NPHP1: variants seen among roughly 807,000 people sequenced by gnomAD.
NPHP1 encodes the protein nephrocystin-1.
A neutral mutation model predicts 90.4 loss-of-function variants in NPHP1; 70 were observed. The observed-to-expected ratio is 0.77, with a 90% CI of 0.64 to 0.95. The LOEUF (loss-of-function observed/expected upper bound fraction) is 0.95. Among genes scored for constraint, NPHP1 ranks in the 40% least tolerant of loss-of-function variants. The probability of loss-of-function intolerance (pLI) is 0.00; values close to 1 mark genes in which losing one functional copy is unlikely to be tolerated. For missense variants in NPHP1, 764 were observed against 795.9 expected, an observed-to-expected ratio of 0.96 and a Z score of 0.48; for synonymous variants, 256 against 271.7, an observed-to-expected ratio of 0.94 and a Z score of 0.57.
chr2:110,194,070 T>G (rs902992975), intron 2 of NPHP1, among the ~76,000 whole-genome samples: 1 of 151,850 alleles, frequency 6.6e-6, no homozygotes, highest in Admixed American at 6.6e-5. Flanking sequence ...GAAATAAAAT[T>G]GACACCCTAA....
chr2:110,160,232 A>C lies in NPHP1; in HGVS notation c.978T>G (p.Ile326Met). 6.2e-7 allele frequency: 1 copy of C among 1,611,592 alleles called. No individual in the cohort carries two copies. The highest frequency in any genetic ancestry group is 8.5e-7 in the Non-Finnish European group (1 of 1,177,784). ...AGCTCCATAATGTCAGAATCAATGA[A>C]ATACGACTTGGTCTCGACCTAATCT... is the stretch of plus-strand genomic sequence containing the variant. ...EGTIRSRPSRISLILTLWSCK... is the reference protein window; with the variant it reads ...EGTIRSRPSRMSLILTLWSCK... Residue 326 changes from isoleucine to methionine, a missense_variant, in exon 11 of 20, where the codon ATT (isoleucine) becomes ATG (methionine). Ile to Met is a conservative substitution (Grantham distance 10). Coordinates refer to ENST00000445609, the MANE Select transcript of NPHP1 (RefSeq NM_001128178.3).
At chr2:110,144,315 T>A in intron 15 of NPHP1, 178 bp downstream of exon 15, 1 of 597,720 alleles carries the variant, frequency 1.7e-6, no homozygotes, top group South Asian at 2.1e-5. Context: ...TAGAGTCTCA[T>A]ATGTGTTACC....
In NPHP1 at chr2:110,182,680, T is replaced by C. The variant is rs543625440; in HGVS notation, c.144-2996A>G. 2.0e-5 allele frequency among the ~76,000 whole-genome samples: 3 copies of C among 152,170 alleles called. No homozygotes were observed. The East Asian group carries it at 5.8e-4, about 29-fold the overall frequency. On this transcript the variant is annotated intron_variant, in intron 2 of 19. Transcript: ENST00000445609. ...GAAAGGAGAAATTGATACCACCCAC[T>C]ATAAAAACACACTGAAGTACACAGA...
intron 2 of NPHP1, chr2:110,185,088 T>A: frequency 1.7e-6 from 1 of 590,296 alleles, no homozygotes; most frequent in Non-Finnish European, 3.3e-6. Flanking sequence ...GAGGGCTCTA[T>A]CCTTGCCTCC....
At chr2:110,125,190 G>T (rs747360110) in intron 19 of NPHP1, 2 of 1,531,394 alleles carry the variant, frequency 1.3e-6, no homozygotes, top group Non-Finnish European at 1.7e-6. Context: ...ACGACTCACC[G>T]ATTAAAGCAA....
In NPHP1 at chr2:110,164,708, C is replaced by T. The variant is rs1559076236; in HGVS notation, c.751G>A (p.Val251Ile). The T allele has an allele frequency of 6.2e-7, 1 of 1,613,954 alleles. No homozygotes were observed. The highest frequency in any genetic ancestry group is 1.1e-5 in the South Asian group (1 of 91,068). ...KQRTDPHWSA[V>I]QKAISEQINT... ...CCCGCCTCTGAAATCGCTTTCTGAACAGCACTCCAGTGGGGATCAGTTCTG... is the reference window on the plus strand; with the variant it reads ...CCCGCCTCTGAAATCGCTTTCTGAATAGCACTCCAGTGGGGATCAGTTCTG... Residue 251 changes from valine (V) to isoleucine (I), a missense_variant, in exon 8 of 20, where the codon GTT (valine) becomes ATT (isoleucine). Val to Ile is a conservative substitution (Grantham distance 29). Transcript: ENST00000445609.
At chr2:110,186,190 C>CT (rs1684271724) in intron 2 of NPHP1, among the ~76,000 whole-genome samples, 1 of 152,194 alleles carries the variant, frequency 6.6e-6, no homozygotes, top group African/African-American at 2.4e-5. Context: ...CTTTCTCCCT[C>CT]TTTCTCTTGC....
chr2:110,183,032 T>TA (rs374215601), intron 2 of NPHP1, among the ~76,000 whole-genome samples: 1,806 of 151,660 alleles, frequency 0.012, 34 homozygotes, highest in African/African-American at 0.041. Context: ...CCAATAAAGA[T>TA]AAAAAAAAGA....
At chr2:110,132,555 A>G (rs1195661659) in intron 16 of NPHP1, among the ~76,000 whole-genome samples, 2 of 152,100 alleles carry the variant, frequency 1.3e-5, no homozygotes, top group African/African-American at 4.8e-5. Flanking sequence ...CTCAGAGGCC[A>G]AGGCAGAAGA....
At chr2:110,145,131 C>A (rs558058223) in intron 14 of NPHP1, among the ~76,000 whole-genome samples, 2 of 152,200 alleles carry the variant, frequency 1.3e-5, no homozygotes, top group East Asian at 3.9e-4. Flanking sequence ...CGGTGAATTT[C>A]AAAACTAACA....
intron 2 of NPHP1, chr2:110,184,695 C>A: frequency 2.7e-6 from 2 of 730,408 alleles, no homozygotes; most frequent in South Asian, 1.4e-5. Flanking sequence ...GATTTCCACT[C>A]ATCCTTTGAG....
chr2:110,183,422 G>A (rs10202266), intron 2 of NPHP1, among the ~76,000 whole-genome samples: 23,797 of 152,006 alleles, frequency 0.16, 3,583 homozygotes, highest in African/African-American at 0.4. Context: ...TTTATTTCCC[G>A]TAAGGAATAC....
rs376898832 is a variant in NPHP1 at position 110,123,790 on chromosome 2, G to A, written c.*1C>T. Reference sequence around the variant, plus strand: ...AAGCTGAGGGCTAGAGGCTGCCACTGTCACACTGCATTCTTTCTCATTTCA... The same window carrying A: ...AAGCTGAGGGCTAGAGGCTGCCACTATCACACTGCATTCTTTCTCATTTCA... On this transcript the variant is annotated 3_prime_UTR_variant, in exon 20 of 20. Coordinates refer to ENST00000445609, the MANE Select transcript of NPHP1 (RefSeq NM_001128178.3). The A allele has an allele frequency of 2.2e-5, 35 of 1,613,708 alleles. No homozygotes were observed. In the African/African-American group the frequency reaches 4.7e-4, roughly 22 times the overall value.
chr2:110,135,779 T>C (rs1324206469), intron 16 of NPHP1, among the ~76,000 whole-genome samples: 1 of 152,166 alleles, frequency 6.6e-6, no homozygotes, highest in African/African-American at 2.4e-5. Context: ...AAAGAGATCT[T>C]ACTTTTTGTA....
chr2:110,200,204 G>A (rs1012586169), intron 2 of NPHP1, among the ~76,000 whole-genome samples: 9 of 151,862 alleles, frequency 5.9e-5, no homozygotes, highest in Non-Finnish European at 1.0e-4. Flanking sequence ...GCAGTGAGCC[G>A]AGATCATGCC....
intron 2 of NPHP1, among the ~76,000 whole-genome samples, chr2:110,193,663 G>A (rs976529888): frequency 3.3e-5 from 5 of 152,138 alleles, no homozygotes; most frequent in African/African-American, 4.8e-5. Context: ...GGACCTAATA[G>A]ACATCTACAG....
At chr2:110,170,498 G>T (rs927963053) in intron 4 of NPHP1, among the ~76,000 whole-genome samples, 1 of 152,114 alleles carries the variant, frequency 6.6e-6, no homozygotes, top group African/African-American at 2.4e-5. Context: ...AACAGTGCTT[G>T]CCCATAGCAA....
chr2:110,188,189 T>C (rs979416939), intron 2 of NPHP1, among the ~76,000 whole-genome samples: 6 of 152,016 alleles, frequency 3.9e-5, no homozygotes, highest in Non-Finnish European at 7.4e-5. Context: ...GAGAAAGAAA[T>C]AAGGAGTATT....
intron 2 of NPHP1, among the ~76,000 whole-genome samples, chr2:110,196,835 T>C (rs1685200506): frequency 1.3e-5 from 2 of 152,106 alleles, no homozygotes; most frequent in African/African-American, 2.4e-5. Flanking sequence ...TAAAAAATGA[T>C]GAGTTCATGT....
Sources: allele counts gnomAD v4.1 joint callset (sites outside exome capture counted in the v4.1 genomes callset), GRCh38; gene constraint gnomAD v4.1.1; transcripts MANE v1.5; gene names NCBI Gene and HGNC (gene_info 2026-07-23, HGNC 2026-07-21).